Variants in DLGAP1 observed in about 807,000 individuals in gnomAD.
The protein encoded by DLGAP1 is disks large-associated protein 1.
A neutral mutation model predicts 90.8 loss-of-function variants in DLGAP1; 11 were observed. The observed-to-expected ratio is 0.12, with a 90% CI of 0.08 to 0.20. DLGAP1 has a LOEUF of 0.20. Among genes scored for constraint, DLGAP1 ranks in the 10% least tolerant of loss-of-function variants. DLGAP1 has a pLI of 1.00. For missense variants in DLGAP1, 1,050 were observed against 1,333.8 expected (o/e 0.79, Z 3.31); for synonymous variants, 558 against 540.7 (o/e 1.03, Z -0.44).
chr18:4,162,100 G>T (rs2076856487), intron 1 of DLGAP1, among the ~76,000 whole-genome samples: 1 of 152,142 alleles, frequency 6.6e-6, no homozygotes, highest in Non-Finnish European at 1.5e-5. Context: ...AGATAGAGTA[G>T]TAAACAAAAA....
Position 3,950,575 on chromosome 18 carries a change from C to T in DLGAP1, c.-73+54541G>A, listed in dbSNP as rs149487249. Among the ~76,000 whole-genome samples, 237 of 152,324 alleles carry T rather than the reference C, an allele frequency of 1.6e-3. 2 individuals carry two copies. The highest frequency in any genetic ancestry group is 5.3e-3 in the African/African-American group (220 of 41,586). ...TTGTGAATAGCACATGCTAAATACT[C>T]AGTGCAAACCAGTCAAATGAGTGAA... is the stretch of plus-strand genomic sequence containing the variant. On this transcript the variant is annotated intron_variant, in intron 3 of 12. Coordinates refer to ENST00000315677, the MANE Select transcript of DLGAP1 (RefSeq NM_004746.4).
chr18:3,998,685 A>T (rs866907408), intron 3 of DLGAP1, among the ~76,000 whole-genome samples: 1 of 152,144 alleles, frequency 6.6e-6, no homozygotes, highest in Non-Finnish European at 1.5e-5. Context: ...GACTTTTTTC[A>T]CAGTGTCCTT....
intron 1 of DLGAP1, among the ~76,000 whole-genome samples, chr18:4,416,406 C>T (rs190894458): frequency 1.0e-3 from 141 of 138,054 alleles, no homozygotes; most frequent in African/African-American, 3.7e-3. Flanking sequence ...TTTTGAATTC[C>T]TTTTATTCAT....
intron 7 of DLGAP1, among the ~76,000 whole-genome samples, chr18:3,691,374 G>T (rs1204952353): frequency 6.6e-6 from 1 of 150,786 alleles, no homozygotes; most frequent in Non-Finnish European, 1.5e-5. Flanking sequence ...GTTGCAGTGA[G>T]CTACATCGCG....
At chr18:4,407,563 C>A (rs1016084569) in intron 1 of DLGAP1, among the ~76,000 whole-genome samples, 2 of 152,120 alleles carry the variant, frequency 1.3e-5, no homozygotes, top group Non-Finnish European at 2.9e-5. Flanking sequence ...CGGCAAATCC[C>A]TTCCCTCAAT....
chr18:3,928,439 G>A (rs2072442018), intron 3 of DLGAP1, among the ~76,000 whole-genome samples: 1 of 152,180 alleles, frequency 6.6e-6, no homozygotes, highest in Non-Finnish European at 1.5e-5. Context: ...TTGGAATTAA[G>A]TGGTTTAATT....
At chr18:3,677,820 G>T (rs1162614960) in intron 7 of DLGAP1, among the ~76,000 whole-genome samples, 3 of 151,862 alleles carry the variant, frequency 2.0e-5, no homozygotes, top group Non-Finnish European at 4.4e-5. Flanking sequence ...CACCATGCCC[G>T]GCTAATTTTT....
intron 1 of DLGAP1, among the ~76,000 whole-genome samples, chr18:4,240,072 G>A (rs117626200): frequency 1.8e-4 from 27 of 152,204 alleles, no homozygotes; most frequent in Non-Finnish European, 3.7e-4. Flanking sequence ...TGTTGTGTTA[G>A]GAATTGTCAA....
intron 5 of DLGAP1, among the ~76,000 whole-genome samples, chr18:3,755,070 A>G (rs1218245566): frequency 2.0e-5 from 3 of 152,174 alleles, no homozygotes; most frequent in African/African-American, 7.2e-5. Context: ...CTATAATAAT[A>G]TTGATTTGAA....
At position 3,581,855 on chromosome 18, in the gene DLGAP1, A is replaced by C. The variant is rs1311966033; in HGVS notation, c.1965+20T>G. On this transcript the variant is annotated intron_variant, in intron 8 of 12. Coordinates refer to ENST00000315677, the MANE Select transcript of DLGAP1 (RefSeq NM_004746.4). ...TAGTTTTAAGTTCCTATTTCAAAGGATAGAAAGGGAGGCTGTTACCTGTAT... is the reference window on the plus strand; with the variant it reads ...TAGTTTTAAGTTCCTATTTCAAAGGCTAGAAAGGGAGGCTGTTACCTGTAT... The C allele has an allele frequency of 5.0e-6, 8 of 1,611,076 alleles. No homozygotes were observed. The South Asian group carries it at 7.7e-5, about 15-fold the overall frequency.
At chr18:4,275,848 A>T (rs1283725205) in intron 1 of DLGAP1, among the ~76,000 whole-genome samples, 1 of 152,210 alleles carries the variant, frequency 6.6e-6, no homozygotes, top group African/African-American at 2.4e-5. Flanking sequence ...CTGAAGAAAT[A>T]AAGTCTTATG....
intron 5 of DLGAP1, among the ~76,000 whole-genome samples, chr18:3,777,897 G>C (rs760284613): frequency 6.6e-6 from 1 of 152,134 alleles, no homozygotes; most frequent in Admixed American, 6.5e-5. Flanking sequence ...GTCCTGGGTA[G>C]GTGGTCCTTT....
Position 3,711,376 on chromosome 18 carries a change from G to A in DLGAP1, c.1591+17759C>T, listed in dbSNP as rs2061591347. Among the ~76,000 whole-genome samples, 1 of 152,142 alleles carries A rather than the reference G, an allele frequency of 6.6e-6. No individual in the cohort carries two copies. Among genetic ancestry groups the A allele is most frequent in the Non-Finnish European group, 1.5e-5 (1 of 68,034 alleles). ...GTGTTAAAGAATAGCCAGGTAAATC[G>A]ACCTGTTTATAAAATGTATATGCCC... On this transcript the variant is annotated intron_variant, in intron 7 of 12. Transcript: ENST00000315677. This position sits in a 1 kb window ranked among gnomAD's most constrained non-coding sequence, Gnocchi z 4.0.
intron 7 of DLGAP1, among the ~76,000 whole-genome samples, chr18:3,594,729 G>C (rs1332900265): frequency 1.3e-5 from 2 of 152,152 alleles, no homozygotes; most frequent in African/African-American, 4.8e-5. Flanking sequence ...AGCTGCGGTA[G>C]CCTTTTCCAC....
intron 7 of DLGAP1, among the ~76,000 whole-genome samples, chr18:3,602,459 G>A (rs74681194): frequency 0.98 from 146,228 of 149,892 alleles, 71,337 homozygotes; most frequent in East Asian, 1. Flanking sequence ...GCCGGGCGTG[G>A]TGGCGGGCGC....
intron 12 of DLGAP1, among the ~76,000 whole-genome samples, chr18:3,501,606 G>T (rs1040761611): frequency 2.6e-5 from 4 of 152,186 alleles, no homozygotes; most frequent in African/African-American, 9.7e-5. Context: ...GAATGGATTA[G>T]ATTGCTGTTA....
At chr18:4,343,168 G>A (rs186833542) in intron 1 of DLGAP1, among the ~76,000 whole-genome samples, 1 of 151,928 alleles carries the variant, frequency 6.6e-6, no homozygotes, top group Non-Finnish European at 1.5e-5. Flanking sequence ...TTAGCCGGGC[G>A]TGGTGGCAGG....
chr18:4,146,631 G>A (rs1156598342), intron 2 of DLGAP1, among the ~76,000 whole-genome samples: 1 of 152,074 alleles, frequency 6.6e-6, no homozygotes, highest in Non-Finnish European at 1.5e-5. Context: ...GGACATTTAT[G>A]TTTTAATTAA....
chr18:4,143,275 C>G (rs2076526064), intron 2 of DLGAP1, among the ~76,000 whole-genome samples: 1 of 152,008 alleles, frequency 6.6e-6, no homozygotes, highest in Non-Finnish European at 1.5e-5. Context: ...GAGTCAGATA[C>G]TTTAGAAATC....
Sources: gnomAD v4.1 joint callset for allele counts (sites outside exome capture counted in the v4.1 genomes callset) on GRCh38, gnomAD v4.1.1 for gene constraint, Gnocchi (gnomAD v3.1) non-coding constraint, MANE v1.5 for transcripts, NCBI Gene and HGNC (gene_info 2026-07-23, HGNC 2026-07-21) for gene names.